DCAKD: variants seen among roughly 807,000 people sequenced by gnomAD.
DCAKD encodes dephospho-CoA kinase domain-containing protein.
Under a neutral mutation model 18.7 loss-of-function variants are expected in DCAKD, and 15 were observed. That is an observed-to-expected ratio of 0.80 (90% CI 0.54 to 1.24). The LOEUF (loss-of-function observed/expected upper bound fraction) is 1.24, where lower values mean the gene tolerates loss of function less well. Ranked by LOEUF, DCAKD falls within the 50% of genes most tolerant of loss-of-function variation. The pLI, the probability that DCAKD is intolerant of heterozygous loss-of-function variation, is 0.00. For missense variants in DCAKD, 301 were observed against 322.0 expected, an observed-to-expected ratio of 0.93 and a Z score of 0.50; for synonymous variants, 130 against 133.0, an observed-to-expected ratio of 0.98 and a Z score of 0.16.
At chr17:45,041,351 G>T (rs920858388) in intron 1 of DCAKD, among the ~76,000 whole-genome samples, 1 of 146,122 alleles carries the variant, frequency 6.8e-6, no homozygotes, top group South Asian at 2.2e-4. Context: ...TGGCTCTGTC[G>T]CCCAGGCTGG....
intron 4 of DCAKD, among the ~76,000 whole-genome samples, chr17:45,027,905 G>C (rs2050775683): frequency 6.6e-6 from 1 of 150,662 alleles, no homozygotes; most frequent in African/African-American, 2.4e-5. Flanking sequence ...AGAATCACTT[G>C]AACCTGGGAG....
upstream of DCAKD, among the ~76,000 whole-genome samples, chr17:45,054,489 CT>C (rs1436538626): frequency 1.3e-5 from 2 of 152,076 alleles, no homozygotes. Context: ...CTCAGGCGAT[CT>C]GCCTGCCTCA....
At chr17:45,054,329 C>T (rs2053757962), upstream of DCAKD, among the ~76,000 whole-genome samples, 1 of 151,898 alleles carries the variant, frequency 6.6e-6, no homozygotes, top group Non-Finnish European at 1.5e-5. Flanking sequence ...CTCACTGCAA[C>T]CTCCGCCTCC....
chr17:45,030,868 C>T, intron 3 of DCAKD: 1 of 587,314 alleles, frequency 1.7e-6, no homozygotes, highest in Non-Finnish European at 2.1e-6. Context: ...CTGTATTACA[C>T]TCCTGCAGTG....
intron 2 of DCAKD, 21 bp from the exon 3 acceptor site, chr17:45,034,411 T>C: frequency 6.2e-7 from 1 of 1,612,828 alleles, no homozygotes; most frequent in Non-Finnish European, 8.5e-7. Flanking sequence ...AGGAAGAAGC[T>C]GGGTCACTCC....
rs1055443510 is a variant in DCAKD at position 45,024,232 on chromosome 17, C to T, written c.*201G>A. Reference sequence around the variant, plus strand: ...CTATTTCTTGATCTCAAATAGGATACACTCCAAAGACGGGATGGCCTGGCA... The same window carrying T: ...CTATTTCTTGATCTCAAATAGGATATACTCCAAAGACGGGATGGCCTGGCA... On this transcript the variant is annotated 3_prime_UTR_variant, in exon 5 of 5. Transcript: ENST00000651974. 4 of 638,566 alleles carry T rather than the reference C, an allele frequency of 6.3e-6. No individual in the cohort carries two copies. The East Asian group carries it at 8.4e-5, about 13-fold the overall frequency. 39.6% of individuals were successfully genotyped at this position (638,566 alleles called of 1,614,324 possible).
intron 1 of DCAKD, among the ~76,000 whole-genome samples, chr17:45,057,096 C>T (rs2053789391): frequency 6.6e-6 from 1 of 152,028 alleles, no homozygotes; most frequent in South Asian, 2.1e-4. Context: ...GAGACGGGGC[C>T]TTGCCATGTT....
rs977478284 is a variant in DCAKD, at chr17:45,024,106, C to T, written c.*327G>A. On this transcript the variant is annotated 3_prime_UTR_variant, in exon 5 of 5. Transcript: ENST00000651974. ...CCACAGAGCCAGTATTCCCTACCCC[C>T]ACCCACAGAAATGTATAGCAGTCTC... is the stretch of plus-strand genomic sequence containing the variant. 1 of 271,626 alleles carries T rather than the reference C, an allele frequency of 3.7e-6. No individual in the cohort carries two copies. The highest frequency in any genetic ancestry group is 6.8e-5 in the East Asian group (1 of 14,698). The allele number at this position is 271,626 out of a possible 1,614,324, so 16.8% of individuals were successfully genotyped here.
At chr17:45,045,733 A>G (rs975172955) in intron 1 of DCAKD, among the ~76,000 whole-genome samples, 20 of 142,230 alleles carry the variant, frequency 1.4e-4, no homozygotes, top group African/African-American at 5.0e-4. Flanking sequence ...CTCTGTCTCA[A>G]AAAAAAAAAA....
At chr17:45,046,247 G>C (rs916164784) in intron 1 of DCAKD, among the ~76,000 whole-genome samples, 2 of 152,150 alleles carry the variant, frequency 1.3e-5, no homozygotes, top group Non-Finnish European at 2.9e-5. Context: ...AGAGTGCCTA[G>C]GAAGGTGAGC....
chr17:45,041,322 T>G (rs1213441760), intron 1 of DCAKD, among the ~76,000 whole-genome samples: 1 of 151,238 alleles, frequency 6.6e-6, no homozygotes, highest in African/African-American at 2.4e-5. Context: ...GGCTCTTTTT[T>G]TTTTTTTGAG....
At chr17:45,027,101 A>G (rs62065786) in intron 4 of DCAKD, among the ~76,000 whole-genome samples, 93,285 of 152,094 alleles carry the variant, frequency 0.61, 28,862 homozygotes, top group Middle Eastern at 0.68. Context: ...CCAGCACTTT[A>G]GTAGGCCGAG....
intron 1 of DCAKD, among the ~76,000 whole-genome samples, chr17:45,044,460 G>A (rs2053517077): frequency 6.6e-6 from 1 of 152,214 alleles, no homozygotes; most frequent in South Asian, 2.1e-4. Flanking sequence ...CGGAGGCTGA[G>A]GCAGGCGGGT....
chr17:45,047,365 T>A (rs1465519959), intron 1 of DCAKD, among the ~76,000 whole-genome samples: 1 of 152,054 alleles, frequency 6.6e-6, no homozygotes, highest in Admixed American at 6.6e-5. Context: ...CAGTGAAGTT[T>A]CAACCCTCCT....
Position 45,024,452 on chromosome 17 carries a change from T to C in DCAKD, c.677A>G (p.Tyr226Cys). The change falls in exon 5 of 5, where the codon TAC becomes TGC. Residue 226 changes from tyrosine (Y) to cysteine (C), a missense_variant. Coordinates refer to ENST00000651974, the MANE Select transcript of DCAKD (RefSeq NM_001288655.2). ...IASLLYLLTHYLLPYA is the reference protein window; with the variant it reads ...IASLLYLLTHCLLPYA ...GCCCCACTAGGCGTAAGGCAGAAGG[T>C]AGTGGGTGAGCAGGTAGAGGAGGCT... is the stretch of plus-strand genomic sequence containing the variant. The C allele has an allele frequency of 6.2e-7, 1 of 1,608,364 alleles. No homozygotes were observed. The highest frequency in any genetic ancestry group is 8.5e-7 in the Non-Finnish European group (1 of 1,175,650).
chr17:45,030,899 T>G, intron 3 of DCAKD: 1 of 878,544 alleles, frequency 1.1e-6, no homozygotes, highest in Non-Finnish European at 1.4e-6. Context: ...TGGCTGGACC[T>G]CCCACCACAA....
At chr17:45,058,619 G>A (rs1242373116) in intron 1 of DCAKD, among the ~76,000 whole-genome samples, 15 of 150,928 alleles carry the variant, frequency 9.9e-5, no homozygotes, top group Admixed American at 7.3e-4. Flanking sequence ...ACGGGGTTTC[G>A]CCACGTTGGC....
At chr17:45,033,358 C>G (rs2053213484) in intron 3 of DCAKD, among the ~76,000 whole-genome samples, 1 of 152,192 alleles carries the variant, frequency 6.6e-6, no homozygotes, top group Non-Finnish European at 1.5e-5. Context: ...CTTGCTTTCC[C>G]AAATGGCTCA....
chr17:45,047,287 G>A (rs2053591285), intron 1 of DCAKD, among the ~76,000 whole-genome samples: 1 of 151,922 alleles, frequency 6.6e-6, no homozygotes, highest in South Asian at 2.1e-4. Context: ...GCTCCACCCA[G>A]CTTATTTTTT....
Sources: allele counts gnomAD v4.1 joint callset (sites outside exome capture counted in the v4.1 genomes callset), GRCh38; gene constraint gnomAD v4.1.1; transcripts MANE v1.5; gene names NCBI Gene and HGNC (gene_info 2026-07-23, HGNC 2026-07-21).